Variants in DENND2B observed in about 807,000 individuals in gnomAD.
DENND2B encodes DENN domain-containing protein 2B.
A neutral mutation model predicts 116.0 loss-of-function variants in DENND2B; 32 were observed. That is an observed-to-expected ratio of 0.28 (90% confidence interval 0.21 to 0.37). The LOEUF is 0.37. Ranked by LOEUF, DENND2B falls within the 10% of genes least tolerant of loss-of-function variation. The pLI is 1.00. For missense variants in DENND2B, 1,276 were observed against 1,477.7 expected (o/e 0.86, Z 2.24); for synonymous variants, 588 against 583.9 (o/e 1.01, Z -0.10).
At chr11:8,909,031 A>C (rs1006875169) in intron 1 of DENND2B, among the ~76,000 whole-genome samples, 1 of 152,142 alleles carries the variant, frequency 6.6e-6, no homozygotes, top group African/African-American at 2.4e-5. Flanking sequence ...AATAGTAAAT[A>C]CTAGATGCAC....
chr11:8,769,333 G>A (rs140485002), intron 1 of DENND2B, among the ~76,000 whole-genome samples: 54 of 151,710 alleles, frequency 3.6e-4, no homozygotes, highest in African/African-American at 1.1e-3. Context: ...TGCTTCCCAG[G>A]TTCAAGTGAT....
rs558065940 is a variant in DENND2B at position 8,790,715 on chromosome 11, G to C, written c.-26+19802C>G. Among the ~76,000 whole-genome samples the C allele has an allele frequency of 3.9e-5, 6 of 152,282 alleles. No individual in the cohort carries two copies. In the East Asian group the frequency reaches 1.2e-3, roughly 29 times the overall value. Reference sequence around the variant, plus strand: ...GTCCAGGAGGTAGAGGCTGCAGTGAGGTGTGATAGCATCACTGCACTCCAG... The same window carrying C: ...GTCCAGGAGGTAGAGGCTGCAGTGACGTGTGATAGCATCACTGCACTCCAG... On this transcript the variant is annotated intron_variant, in intron 1 of 19. Transcript: ENST00000313726.
chr11:8,795,659 A>C (rs6484484), intron 1 of DENND2B, among the ~76,000 whole-genome samples: 1 of 151,940 alleles, frequency 6.6e-6, no homozygotes, highest in African/African-American at 2.4e-5. Flanking sequence ...TAAAATAGGC[A>C]AGTTTCCTCC....
chr11:8,700,815 A>G (rs542054205), intron 14 of DENND2B, among the ~76,000 whole-genome samples: 1 of 152,078 alleles, frequency 6.6e-6, no homozygotes, highest in Non-Finnish European at 1.5e-5. Context: ...TTTTAAAAAA[A>G]TTTTTAAATT....
At chr11:8,817,513 T>G (rs1003440394) in intron 4 of DENND2B, among the ~76,000 whole-genome samples, 6 of 151,996 alleles carry the variant, frequency 3.9e-5, no homozygotes, top group Non-Finnish European at 8.8e-5. Context: ...TCCCCCTGCC[T>G]CTCCTACCAC....
chr11:8,876,284 T>G (rs915478998), upstream of DENND2B, among the ~76,000 whole-genome samples: 8 of 152,272 alleles, frequency 5.3e-5, no homozygotes, highest in Middle Eastern at 3.4e-3. Context: ...CATTTGGATT[T>G]CAAGTATTAC....
intron 17 of DENND2B, 26 bp downstream of exon 17, chr11:8,697,499 T>C (rs778105438): frequency 5.7e-6 from 9 of 1,584,582 alleles, no homozygotes; most frequent in Non-Finnish European, 7.8e-6. Flanking sequence ...GGAGCAGAGC[T>C]GACCGTGCCC....
intron 1 of DENND2B, among the ~76,000 whole-genome samples, chr11:8,899,034 A>T (rs1162190923): frequency 6.6e-6 from 1 of 152,176 alleles, no homozygotes; most frequent in Non-Finnish European, 1.5e-5. Flanking sequence ...AAAACAAAAC[A>T]AATTATGGAG....
Position 8,697,627 on chromosome 11 carries a change from C to T in DENND2B, c.2950G>A (p.Glu984Lys), listed in dbSNP as rs560944625. 8.7e-6 allele frequency: 14 copies of T among 1,613,100 alleles called. No individual in the cohort carries two copies. The East Asian group carries it at 8.9e-5, about 10-fold the overall frequency. Residue 984 changes from glutamate (E) to lysine (K), a missense_variant, in exon 17 of 20, where the codon GAA becomes AAA. Transcript: ENST00000313726. ...AACTTCCTAGGTAACAACGTGTCTT[C>T]GTCGTCCATCTGCAGGAGAAAGAAA... is the stretch of plus-strand genomic sequence containing the variant. ...SDRFIRQMDD[E>K]DTLLPRKLQA...
At chr11:8,784,767 G>A (rs1369328200) in intron 1 of DENND2B, among the ~76,000 whole-genome samples, 4 of 152,014 alleles carry the variant, frequency 2.6e-5, no homozygotes, top group South Asian at 2.1e-4. Flanking sequence ...GAACCTGGGA[G>A]GTGGAGGCTG....
chr11:8,857,042 T>C (rs890606193), intron 3 of DENND2B, among the ~76,000 whole-genome samples: 1 of 152,164 alleles, frequency 6.6e-6, no homozygotes, highest in Non-Finnish European at 1.5e-5. Flanking sequence ...TATGAGCCAC[T>C]GCACTTAGCC....
rs116162292 is a variant in DENND2B, at chr11:8,790,100, C to T, written c.-26+20417G>A. Among the ~76,000 whole-genome samples the T allele has an allele frequency of 9.2e-3, 1,399 of 152,326 alleles. 16 individuals are homozygous for T. The highest frequency in any genetic ancestry group is 0.028 in the African/African-American group (1,175 of 41,568). ...CTGGGACTTCCCTGCACACTCTACA[C>T]TTACAGCTTCACTCCTGTCTTTGTG... On this transcript the variant is annotated intron_variant, in intron 1 of 19. Transcript: ENST00000313726.
chr11:8,867,529 C>T (rs2063624209), intron 2 of DENND2B, among the ~76,000 whole-genome samples: 2 of 145,180 alleles, frequency 1.4e-5, no homozygotes. Context: ...GAAAGGTAAT[C>T]TAAATTCACT....
At position 8,854,016 on chromosome 11, in the gene DENND2B, A is replaced by ATTTTTTTTTTTTTTTT. The variant is rs71059187; in HGVS notation, c.-156+3311_-156+3326dup. On this transcript the variant is annotated intron_variant, in intron 3 of 6. Transcript: ENST00000524757. The stretch of plus-strand genomic sequence containing the variant: ...GGTGAATGCCACCATGCCCCAGTTA[A>ATTTTTTTTTTTTTTTT]TTTTTTTTTTTTTTTTTTTTTTTTT... 1.3e-4 allele frequency among the ~76,000 whole-genome samples: 8 copies of ATTTTTTTTTTTTTTTT among 62,774 alleles called. 1 individual carries two copies. The highest frequency in any genetic ancestry group is 5.1e-4 in the Admixed American group (2 of 3,952). 41.2% of individuals were successfully genotyped at this position (62,774 alleles called of 152,430 possible).
intron 1 of DENND2B, among the ~76,000 whole-genome samples, chr11:8,777,712 G>A (rs1321084753): frequency 2.0e-5 from 3 of 152,288 alleles, no homozygotes; most frequent in African/African-American, 7.2e-5. Context: ...AACCAGAAGA[G>A]GCTCTCTTGA....
chr11:8,718,928 C>T (rs1182674879), intron 4 of DENND2B: 16 of 987,926 alleles, frequency 1.6e-5, no homozygotes, highest in Middle Eastern at 5.2e-4. Context: ...TGGCAGAATC[C>T]GTGGGGTGAA....
chr11:8,722,774 C>A (rs1187455089), intron 4 of DENND2B, among the ~76,000 whole-genome samples: 1 of 152,164 alleles, frequency 6.6e-6, no homozygotes, highest in Non-Finnish European at 1.5e-5. Context: ...CCCCCACCAC[C>A]CCACGAGGCC....
chr11:8,702,891 C>G lies in DENND2B; in HGVS notation c.2572-171G>C, dbSNP rs928374425. The G allele has an allele frequency of 8.6e-6, 7 of 810,384 alleles. No homozygotes were observed. The African/African-American group carries it at 1.2e-4, about 14-fold the overall frequency. The allele number at this position is 810,384 out of a possible 1,614,324, so 50.2% of individuals were successfully genotyped here. On this transcript the variant is annotated intron_variant, in intron 13 of 19. Coordinates refer to ENST00000313726, the MANE Select transcript of DENND2B (RefSeq NM_213618.2). The surrounding 1 kb of genome is among the most constrained non-coding windows in gnomAD (Gnocchi z 4.6). The stretch of plus-strand genomic sequence containing the variant: ...CTTCTCCATCCCTCGGACTACAGCT[C>G]TGCTCTCGTAGCACTCGAACACCCA...
At chr11:8,870,567 T>C (rs2063745893) in intron 2 of DENND2B, among the ~76,000 whole-genome samples, 1 of 151,500 alleles carries the variant, frequency 6.6e-6, no homozygotes, top group African/African-American at 2.4e-5. Flanking sequence ...GCATACAAGC[T>C]GCAACAGCTC....
Sources: gnomAD v4.1 joint callset for allele counts (sites outside exome capture counted in the v4.1 genomes callset) on GRCh38, gnomAD v4.1.1 for gene constraint, Gnocchi (gnomAD v3.1) non-coding constraint, MANE v1.5 for transcripts, NCBI Gene and HGNC (gene_info 2026-07-23, HGNC 2026-07-21) for gene names.